Variants in GTF3C2 observed in about 807,000 individuals in gnomAD.
The protein encoded by GTF3C2 is general transcription factor 3C polypeptide 2.
In GTF3C2, 17 loss-of-function variants were observed where a neutral mutation model predicts 117.4. That is an observed-to-expected ratio of 0.14 (90% CI 0.10 to 0.22). The LOEUF is 0.22. GTF3C2 is among the 10% of genes least tolerant of loss of function. The pLI is 1.00. For missense variants in GTF3C2, 888 were observed against 1,143.6 expected (o/e 0.78, Z 3.22); for synonymous variants, 437 against 427.0 (o/e 1.02, Z -0.29).
At chr2:27,347,632 CAG>C (rs1276771504) in intron 1 of GTF3C2, among the ~76,000 whole-genome samples, 1 of 152,162 alleles carries the variant, frequency 6.6e-6, no homozygotes, top group Non-Finnish European at 1.5e-5. Context: ...ATTCAGAAAA[CAG>C]AAGGAAATTT....
intron 1 of GTF3C2, among the ~76,000 whole-genome samples, chr2:27,351,749 T>C (rs1269265987): frequency 6.6e-6 from 1 of 152,182 alleles, no homozygotes; most frequent in African/African-American, 2.4e-5. Context: ...ATGAAATTTC[T>C]CACTTTCCAG....
exon 8 of GTF3C2, chr2:27,336,282 T>C (rs776740063): frequency 4.3e-6 from 7 of 1,614,086 alleles, no homozygotes; most frequent in Non-Finnish European, 5.1e-6. Flanking sequence ...GTGTGTCTCA[T>C]TCATGTCAGG....
At chr2:27,327,353 C>T (rs989128220) in intron 17 of GTF3C2, 69 bp from the exon 18 acceptor site, 3 of 780,378 alleles carry the variant, frequency 3.8e-6, no homozygotes, top group Admixed American at 2.2e-5. Context: ...GACGGAGTCT[C>T]GCTCTGTCAC....
rs556013357 is a variant in GTF3C2 at position 27,344,025 on chromosome 2, AT to A, written c.-24-448del. Among the ~76,000 whole-genome samples, 363 of 145,634 alleles carry A rather than the reference AT, an allele frequency of 2.5e-3. 1 individual carries two copies. Among genetic ancestry groups the A allele is most frequent in the African/African-American group, 4.0e-3 (158 of 39,668 alleles). On this transcript the variant is annotated intron_variant, in intron 1 of 18. Transcript: ENST00000264720. ...AAACAAGTAAACAAATAAAGCTTCCATTTTTTTTTTTTTTTAAAGACGGAGT... is the reference window on the plus strand; with the variant it reads ...AAACAAGTAAACAAATAAAGCTTCCATTTTTTTTTTTTTTAAAGACGGAGT...
chr2:27,326,642 G>A (rs1189513255), exon 19 of GTF3C2: 12 of 1,524,328 alleles, frequency 7.9e-6, no homozygotes, highest in African/African-American at 4.1e-5. Context: ...GTTCTTGACC[G>A]ACTTCACTCC....
At chr2:27,345,391 G>C (rs13383752) in intron 1 of GTF3C2, among the ~76,000 whole-genome samples, 173 of 152,214 alleles carry the variant, frequency 1.1e-3, no homozygotes, top group African/African-American at 3.8e-3. Flanking sequence ...TCAGGAGTTC[G>C]AGACCAGCCT....
exon 19 of GTF3C2, chr2:27,325,974 A>T (rs1439208653): frequency 5.1e-6 from 1 of 194,704 alleles, no homozygotes; most frequent in Non-Finnish European, 1.1e-5. Context: ...CCATGAGTGA[A>T]ATTTATAGAA....
At position 27,334,055 on chromosome 2, in the gene GTF3C2, T is replaced by C. The variant is rs149215687; in HGVS notation, c.1577-56A>G. The stretch of plus-strand genomic sequence containing the variant: ...ATGGATCCCAAGGACTCAGCAGGTC[T>C]TACTCTGTCACCCAGGCCCGAGTGC... On this transcript the variant is annotated intron_variant, in intron 10 of 18. Transcript: ENST00000264720. 5.1e-5 allele frequency: 69 copies of C among 1,364,454 alleles called. No individual in the cohort carries two copies. The African/African-American group carries it at 8.0e-4, about 16-fold the overall frequency. The allele number at this position is 1,364,454 out of a possible 1,614,324, so 84.5% of individuals were successfully genotyped here.
At position 27,326,425 on chromosome 2, in the gene GTF3C2, C is replaced by T. The variant is rs1680073822; in HGVS notation, c.*250G>A. ...AAGCCTAGGTCAGGCCTGAGTGTTT[C>T]TCATGAGCCATAGTCTTAGGCTGAG... On this transcript the variant is annotated 3_prime_UTR_variant, in exon 19 of 19. Transcript: ENST00000264720. 6 of 575,604 alleles carry T rather than the reference C, an allele frequency of 1.0e-5. No individual in the cohort carries two copies. In the South Asian group the frequency reaches 1.2e-4, roughly 12 times the overall value. The allele number at this position is 575,604 out of a possible 1,614,324, so 35.7% of individuals were successfully genotyped here.
intron 8 of GTF3C2, 54 bp from the exon 9 acceptor site, chr2:27,336,082 G>T: frequency 7.1e-7 from 1 of 1,413,312 alleles, no homozygotes; most frequent in Non-Finnish European, 1.0e-6. Flanking sequence ...ACGCAGGGCT[G>T]CCAGAGGTAA....
chr2:27,350,868 GA>G (rs1478074278), intron 1 of GTF3C2, among the ~76,000 whole-genome samples: 2 of 149,694 alleles, frequency 1.3e-5, no homozygotes, highest in Non-Finnish European at 1.5e-5. Context: ...AGAATCGCTT[GA>G]ATACAGGAGG....
intron 1 of GTF3C2, among the ~76,000 whole-genome samples, chr2:27,354,282 C>T (rs1237725135): frequency 6.6e-6 from 1 of 150,854 alleles, no homozygotes; most frequent in Non-Finnish European, 1.5e-5. Flanking sequence ...GATCTTGTCT[C>T]AAAAAAAGTG....
At chr2:27,338,188 T>C in intron 4 of GTF3C2, 168 bp from the exon 5 acceptor site, 1 of 613,630 alleles carries the variant, frequency 1.6e-6, no homozygotes, top group Non-Finnish European at 2.9e-6. Context: ...TAATGACTTC[T>C]TCACCTTCTG....
intron 7 of GTF3C2, 34 bp downstream of exon 7, chr2:27,337,210 G>C: frequency 7.9e-7 from 1 of 1,269,184 alleles, no homozygotes; most frequent in South Asian, 1.2e-5. Context: ...CTGGCTCCTA[G>C]AATCAGAAAA....
chr2:27,330,950 C>A (rs2148253705), intron 12 of GTF3C2, among the ~76,000 whole-genome samples: 1 of 152,066 alleles, frequency 6.6e-6, no homozygotes, highest in African/African-American at 2.4e-5. Context: ...CCCCACAGAC[C>A]CTGTCTCAAA....
chr2:27,326,188 A>G (rs867771982), exon 19 of GTF3C2: 15 of 471,406 alleles, frequency 3.2e-5, no homozygotes, highest in Middle Eastern at 3.2e-4. Flanking sequence ...ACGAATTACT[A>G]TCACCCTCGT....
intron 12 of GTF3C2, among the ~76,000 whole-genome samples, chr2:27,332,390 T>A (rs1680304999): frequency 6.6e-6 from 1 of 151,942 alleles, no homozygotes; most frequent in Admixed American, 6.6e-5. Context: ...TGTTCCTCAC[T>A]TTTTAATTTT....
chr2:27,343,649 A>G (rs1359520444), intron 1 of GTF3C2, 71 bp from the exon 2 acceptor site: 9 of 1,292,646 alleles, frequency 7.0e-6, no homozygotes, highest in Non-Finnish European at 8.7e-6. Context: ...TTATTTCCCC[A>G]TCTTTTCTCC....
intron 1 of GTF3C2, among the ~76,000 whole-genome samples, chr2:27,353,211 G>A (rs918638729): frequency 2.6e-5 from 4 of 152,012 alleles, no homozygotes; most frequent in Admixed American, 6.6e-5. Context: ...TGGCCAACAT[G>A]GTGAAACCTC....
Sources: allele counts gnomAD v4.1 joint callset (sites outside exome capture counted in the v4.1 genomes callset), GRCh38; gene constraint gnomAD v4.1.1; transcripts MANE v1.5; gene names NCBI Gene and HGNC (gene_info 2026-07-23, HGNC 2026-07-21).